The following GNAI1 variants were observed in gnomAD, a reference collection of about 807,000 sequenced individuals.
GNAI1 encodes the protein G protein subunit alpha i1.
GNAI1 carries 11 observed loss-of-function variants against 38.9 expected under a neutral mutation model. That is an observed-to-expected ratio of 0.28 (90% confidence interval 0.18 to 0.47). The LOEUF is 0.47. Ranked by LOEUF, GNAI1 falls within the 20% of genes least tolerant of loss-of-function variation. The pLI is 0.99. For synonymous variants in GNAI1, 166 were observed against 145.1 expected, an observed-to-expected ratio of 1.14 and a Z score of -1.04; for missense variants, 317 against 436.9, an observed-to-expected ratio of 0.73 and a Z score of 2.45.
intron 1 of GNAI1, 78 bp downstream of exon 1, chr7:80,135,356 C>T (rs1285368603): frequency 3.5e-6 from 3 of 866,320 alleles, no homozygotes; most frequent in African/African-American, 1.8e-5. Context: ...CGTTTGGAAA[C>T]CCGGAGGGAA....
chr7:80,140,288 C>G (rs1041926282), intron 1 of GNAI1, among the ~76,000 whole-genome samples: 15 of 152,114 alleles, frequency 9.9e-5, no homozygotes, highest in Admixed American at 9.8e-4. Flanking sequence ...CCTTTGGCCC[C>G]AATTTCTAAT....
chr7:80,183,765 A>G (rs1442360630), intron 1 of GNAI1, among the ~76,000 whole-genome samples: 2 of 152,198 alleles, frequency 1.3e-5, no homozygotes, highest in South Asian at 4.1e-4. Context: ...CTGTTTGACT[A>G]TCACATTGAT....
At chr7:80,137,307 C>CT (rs1787435379) in intron 1 of GNAI1, among the ~76,000 whole-genome samples, 1 of 61,208 alleles carries the variant, frequency 1.6e-5, no homozygotes, top group African/African-American at 5.3e-5. Context: ...TTTTTTTTTT[C>CT]TTTTCTTTTC....
intron 4 of GNAI1, among the ~76,000 whole-genome samples, chr7:80,203,483 A>G (rs55978996): frequency 0.018 from 2,671 of 152,232 alleles, 30 homozygotes; most frequent in Middle Eastern, 0.051. Flanking sequence ...AAAAATACTA[A>G]AAGAGCTTTG....
intron 1 of GNAI1, among the ~76,000 whole-genome samples, chr7:80,179,180 A>C (rs1191476782): frequency 6.6e-6 from 1 of 152,218 alleles, no homozygotes; most frequent in African/African-American, 2.4e-5. Flanking sequence ...TTAGCAACTT[A>C]ATGACTGTGT....
At position 80,211,083 on chromosome 7, in the gene GNAI1, T is replaced by A. The variant is rs1426747877; in HGVS notation, c.705T>A (p.Ala235=). 6.2e-7 allele frequency: 1 copy of A among 1,613,422 alleles called. No homozygotes were observed. Among genetic ancestry groups the A allele is most frequent in the Admixed American group, 1.7e-5 (1 of 59,976 alleles). Residue 235 remains alanine (A), a synonymous_variant, in exon 6 of 8, where the codon GCT becomes GCA. Coordinates refer to ENST00000649796, the MANE Select transcript of GNAI1 (RefSeq NM_002069.6). ...VALSDYDLVL[A]EDEEMNRMHE... ...TGAGTGACTACGACCTGGTTCTAGC[T>A]GAAGATGAAGAAATGGCAAGTAGAA...
chr7:80,138,479 G>A (rs1259869858), intron 1 of GNAI1, among the ~76,000 whole-genome samples: 1 of 152,136 alleles, frequency 6.6e-6, no homozygotes, highest in Admixed American at 6.5e-5. Context: ...ACATTTTAAA[G>A]AAGTAAGTAA....
chr7:80,204,176 TAAG>T (rs923412240), intron 5 of GNAI1, among the ~76,000 whole-genome samples: 5 of 152,110 alleles, frequency 3.3e-5, no homozygotes, highest in East Asian at 1.9e-4. Context: ...TTTTAGGTAA[TAAG>T]AGAGCAAGTT....
chr7:80,200,529 G>T (rs920671912), intron 4 of GNAI1, among the ~76,000 whole-genome samples: 2 of 151,996 alleles, frequency 1.3e-5, no homozygotes, highest in Non-Finnish European at 2.9e-5. Flanking sequence ...GCTGTTGGCT[G>T]TTAGGGACAC....
chr7:80,160,809 T>G (rs1204432528), intron 1 of GNAI1, among the ~76,000 whole-genome samples: 1 of 152,314 alleles, frequency 6.6e-6, no homozygotes, highest in South Asian at 2.1e-4. Context: ...GCAAAAAGTA[T>G]ATTTTTTATA....
chr7:80,169,030 G>A (rs1444797545), intron 1 of GNAI1, among the ~76,000 whole-genome samples: 1 of 152,118 alleles, frequency 6.6e-6, no homozygotes, highest in African/African-American at 2.4e-5. Flanking sequence ...TCCCTTAAAT[G>A]TAACTAATAA....
chr7:80,166,997 A>G (rs980497270), intron 1 of GNAI1, among the ~76,000 whole-genome samples: 1 of 152,208 alleles, frequency 6.6e-6, no homozygotes, highest in Admixed American at 6.5e-5. Flanking sequence ...TGATGAGGTG[A>G]CTGTCATCAT....
At chr7:80,167,606 T>C (rs1470072789) in intron 1 of GNAI1, among the ~76,000 whole-genome samples, 4 of 152,178 alleles carry the variant, frequency 2.6e-5, no homozygotes, top group African/African-American at 9.7e-5. Context: ...ATAAAAGTAA[T>C]TTATCCCGTT....
chr7:80,192,887 C>T (rs1214401033), intron 3 of GNAI1, among the ~76,000 whole-genome samples: 2 of 151,876 alleles, frequency 1.3e-5, no homozygotes, highest in South Asian at 2.1e-4. Context: ...TTAGTAGAGA[C>T]GGGGTTTCAC....
rs188317383 is a variant in GNAI1, at chr7:80,158,278, G to A, written c.118+23000G>A. On this transcript the variant is annotated intron_variant, in intron 1 of 7. Coordinates refer to ENST00000649796, the MANE Select transcript of GNAI1 (RefSeq NM_002069.6). ...ACAAAATAATTTGCTGGCTAATTCCGTAACTCTTAATGAGGTGTTTGTTTG... is the reference window on the plus strand; with the variant it reads ...ACAAAATAATTTGCTGGCTAATTCCATAACTCTTAATGAGGTGTTTGTTTG... Among the ~76,000 whole-genome samples the A allele has an allele frequency of 2.4e-4, 36 of 152,170 alleles. 1 individual carries two copies. In the South Asian group the frequency reaches 3.3e-3, roughly 14 times the overall value.
At chr7:80,183,731 C>T (rs960244106) in intron 1 of GNAI1, among the ~76,000 whole-genome samples, 5 of 151,916 alleles carry the variant, frequency 3.3e-5, no homozygotes, top group Non-Finnish European at 5.9e-5. Context: ...CCTATGCTAC[C>T]CCCAACCAAA....
In GNAI1 at chr7:80,226,015, T is replaced by G. The variant is rs1425147361; in HGVS notation, c.*8522T>G. Among the ~76,000 whole-genome samples the G allele has an allele frequency of 6.6e-6, 1 of 152,186 alleles. No individual in the cohort carries two copies. Among genetic ancestry groups the G allele is most frequent in the Admixed American group, 6.5e-5 (1 of 15,276 alleles). On this transcript the variant is annotated 3_prime_UTR_variant, in exon 8 of 8. Transcript: ENST00000649796. ...AGTTGAAATTGTCCAGACACATATTTTAGAAAAGTATGTTATTTTTGTTTT... is the reference window on the plus strand; with the variant it reads ...AGTTGAAATTGTCCAGACACATATTGTAGAAAAGTATGTTATTTTTGTTTT...
chr7:80,163,502 A>AT (rs1397192450), intron 1 of GNAI1, among the ~76,000 whole-genome samples: 10 of 152,232 alleles, frequency 6.6e-5, no homozygotes, highest in African/African-American at 2.4e-4. Context: ...ATTCACTTAC[A>AT]TAACTACTTA....
At chr7:80,191,250 A>G (rs1038385368) in intron 3 of GNAI1, among the ~76,000 whole-genome samples, 8 of 152,098 alleles carry the variant, frequency 5.3e-5, no homozygotes, top group Non-Finnish European at 7.3e-5. Context: ...AGTTGTGCTA[A>G]GGAATACAAA....
Sources: gnomAD v4.1 joint callset for allele counts (sites outside exome capture counted in the v4.1 genomes callset) on GRCh38, gnomAD v4.1.1 for gene constraint, MANE v1.5 for transcripts, NCBI Gene and HGNC (gene_info 2026-07-23, HGNC 2026-07-21) for gene names.